Variants in CADPS observed in about 807,000 individuals in gnomAD.
CADPS encodes calcium-dependent secretion activator 1.
CADPS carries 57 observed loss-of-function variants against 167.3 expected under a neutral mutation model. The observed-to-expected ratio is 0.34, with a 90% confidence interval of 0.28 to 0.42. CADPS has a LOEUF of 0.42. Ranked by LOEUF, CADPS falls within the 20% of genes least tolerant of loss-of-function variation. The pLI is 1.00. For synonymous variants in CADPS, 676 were observed against 635.3 expected (o/e 1.06, Z -0.96); for missense variants, 1,414 against 1,738.1 (o/e 0.81, Z 3.32).
chr3:62,594,323 G>T (rs989095350), intron 6 of CADPS, among the ~76,000 whole-genome samples: 3 of 151,020 alleles, frequency 2.0e-5, no homozygotes, highest in Non-Finnish European at 4.4e-5. Context: ...CACTATGCCC[G>T]GCTAATTTTT....
intron 3 of CADPS, among the ~76,000 whole-genome samples, chr3:62,687,916 G>A (rs2078385849): frequency 6.6e-6 from 1 of 151,840 alleles, no homozygotes; most frequent in African/African-American, 2.4e-5. Context: ...TACAGCTGAG[G>A]AAATTGAGAC....
intron 28 of CADPS, among the ~76,000 whole-genome samples, chr3:62,417,274 C>CTTTTTTTT (rs2050267230): frequency 1.1e-5 from 1 of 92,246 alleles, no homozygotes. Context: ...TTTTCTTTTA[C>CTTTTTTTT]TCTTTTTTTT....
chr3:62,476,066 T>TGCCTTGTTTTGTGTTCAGCAC, intron 23 of CADPS, among the ~76,000 whole-genome samples: 1 of 152,176 alleles, frequency 6.6e-6, no homozygotes, highest in South Asian at 2.1e-4. Context: ...AAAGACAGCA[T>TGCCTTGTTTTGTGTTCAGCAC]GCCTTGTTTT....
intron 6 of CADPS, among the ~76,000 whole-genome samples, chr3:62,613,749 T>C (rs1358038000): frequency 6.6e-6 from 1 of 152,182 alleles, no homozygotes; most frequent in African/African-American, 2.4e-5. Context: ...AGACATATAT[T>C]GGTGTCTTGA....
intron 17 of CADPS, among the ~76,000 whole-genome samples, chr3:62,504,218 G>T (rs1052249396): frequency 2.6e-5 from 4 of 152,098 alleles, no homozygotes; most frequent in African/African-American, 9.7e-5. Flanking sequence ...TGTGTAAATA[G>T]AATTTGGAAG....
intron 1 of CADPS, among the ~76,000 whole-genome samples, chr3:62,802,430 C>T (rs1453083409): frequency 6.6e-6 from 1 of 152,142 alleles, no homozygotes; most frequent in African/African-American, 2.4e-5. Flanking sequence ...CTCTAAACAG[C>T]CTTCATATTC....
At chr3:62,873,703 T>C (rs552695303) in intron 1 of CADPS, among the ~76,000 whole-genome samples, 1 of 150,190 alleles carries the variant, frequency 6.7e-6, no homozygotes, top group South Asian at 2.1e-4. Context: ...TTTTGATGCC[T>C]CAGATTGCGA....
intron 28 of CADPS, among the ~76,000 whole-genome samples, chr3:62,417,848 C>CAAACA (rs1553711640): frequency 6.4e-5 from 9 of 140,434 alleles, no homozygotes; most frequent in African/African-American, 2.3e-4. Context: ...AACAAACAAA[C>CAAACA]AAAAAAAAAC....
chr3:62,635,162 C>T (rs1470983261), intron 6 of CADPS, among the ~76,000 whole-genome samples: 1 of 152,104 alleles, frequency 6.6e-6, no homozygotes, highest in African/African-American at 2.4e-5. Flanking sequence ...TTCTAGGTTC[C>T]AAGTCCCGCT....
intron 1 of CADPS, among the ~76,000 whole-genome samples, chr3:62,800,509 A>C (rs1464623479): frequency 1.3e-5 from 2 of 152,160 alleles, no homozygotes; most frequent in Non-Finnish European, 2.9e-5. Context: ...TTTACTGGGA[A>C]GATATTTTAA....
intron 6 of CADPS, among the ~76,000 whole-genome samples, chr3:62,613,411 C>T (rs1031140655): frequency 2.0e-5 from 3 of 152,076 alleles, no homozygotes; most frequent in Admixed American, 1.3e-4. Flanking sequence ...AAGGGTCGTC[C>T]TCATAAGACT....
chr3:62,454,737 G>T (rs1160477757), intron 26 of CADPS, among the ~76,000 whole-genome samples: 1 of 152,168 alleles, frequency 6.6e-6, no homozygotes, highest in Admixed American at 6.5e-5. Context: ...GAAAGTGGGA[G>T]AGAGCCGAGG....
chr3:62,453,340 T>C (rs2058305732), intron 26 of CADPS, among the ~76,000 whole-genome samples: 1 of 152,160 alleles, frequency 6.6e-6, no homozygotes, highest in Non-Finnish European at 1.5e-5. Flanking sequence ...TTAAAAATTA[T>C]TGAAAAAAGG....
intron 21 of CADPS, among the ~76,000 whole-genome samples, chr3:62,485,899 A>C (rs1007619213): frequency 6.6e-6 from 1 of 152,106 alleles, no homozygotes; most frequent in Non-Finnish European, 1.5e-5. Context: ...AGGGAGGTGA[A>C]CTGAGGGAGG....
chr3:62,528,344 T>C (rs2072812116), intron 13 of CADPS, among the ~76,000 whole-genome samples: 1 of 152,164 alleles, frequency 6.6e-6, no homozygotes, highest in African/African-American at 2.4e-5. Context: ...TGGGTGAGGG[T>C]AATAACGATA....
Position 62,602,944 on chromosome 3 carries a change from T to C in CADPS, c.1326-10196A>G, listed in dbSNP as rs833635. On this transcript the variant is annotated intron_variant, in intron 6 of 29. Coordinates refer to ENST00000383710, the MANE Select transcript of CADPS (RefSeq NM_003716.4). This position sits in a 1 kb window ranked among gnomAD's most constrained non-coding sequence, Gnocchi z 4.4. ...CCGGATCTTTCAAATCCCCTACGTA[T>C]ATCACAAATCTGATTTTTGCTATGG... is the stretch of plus-strand genomic sequence containing the variant. Among the ~76,000 whole-genome samples, 69,320 of 152,080 alleles carry C rather than the reference T, an allele frequency of 0.46. 17,865 individuals are homozygous for C. The highest frequency in any genetic ancestry group is 0.58 in the Non-Finnish European group (39,454 of 67,988).
chr3:62,722,830 G>A (rs141946248), intron 3 of CADPS, among the ~76,000 whole-genome samples: 14 of 152,266 alleles, frequency 9.2e-5, no homozygotes, highest in African/African-American at 2.6e-4. Flanking sequence ...GTCTGTGTGC[G>A]TGGTGGGGGC....
intron 3 of CADPS, among the ~76,000 whole-genome samples, chr3:62,694,537 T>A (rs36116320): frequency 2.0e-5 from 3 of 151,984 alleles, no homozygotes; most frequent in Middle Eastern, 3.2e-3. Flanking sequence ...CCTTCCATCA[T>A]AGAAGGGACA....
chr3:62,780,076 T>C (rs1247866145), intron 1 of CADPS, among the ~76,000 whole-genome samples: 7 of 152,172 alleles, frequency 4.6e-5, no homozygotes, highest in Non-Finnish European at 8.8e-5. Flanking sequence ...GGTTTTTTTT[T>C]CTTCCAGGCT....
Sources: allele counts gnomAD v4.1 joint callset (sites outside exome capture counted in the v4.1 genomes callset), GRCh38; gene constraint gnomAD v4.1.1; non-coding constraint Gnocchi (gnomAD v3.1); transcripts MANE v1.5; gene names NCBI Gene and HGNC (gene_info 2026-07-23, HGNC 2026-07-21).